The following RNLS variants were observed in gnomAD, a reference collection of about 807,000 sequenced individuals.
RNLS encodes renalase, FAD dependent amine oxidase, also known as renalase.
RNLS carries 39 observed loss-of-function variants against 39.8 expected under a neutral mutation model. The observed-to-expected ratio is 0.98, with a 90% confidence interval of 0.76 to 1.28. The LOEUF is 1.28. Among genes scored for constraint, RNLS ranks in the 50% most tolerant of loss-of-function variants. The pLI is 0.00. For synonymous variants in RNLS, 147 were observed against 150.7 expected, an observed-to-expected ratio of 0.98 and a Z score of 0.18; for missense variants, 410 against 413.3, an observed-to-expected ratio of 0.99 and a Z score of 0.07.
intron 6 of RNLS, among the ~76,000 whole-genome samples, chr10:88,296,592 T>C (rs1844113448): frequency 6.6e-6 from 1 of 152,106 alleles, no homozygotes; most frequent in Admixed American, 6.6e-5. Flanking sequence ...GAAAATTAAA[T>C]TGAAAGTATT....
At chr10:88,406,269 T>C (rs1853261276) in intron 4 of RNLS, among the ~76,000 whole-genome samples, 1 of 152,110 alleles carries the variant, frequency 6.6e-6, no homozygotes. Context: ...GATGTCTAGG[T>C]GTCTAGCAAG....
At chr10:88,396,127 T>C (rs1221919963) in intron 4 of RNLS, among the ~76,000 whole-genome samples, 4 of 152,116 alleles carry the variant, frequency 2.6e-5, no homozygotes, top group Non-Finnish European at 4.4e-5. Context: ...GTCAATAGAC[T>C]ATAATTTGAA....
At chr10:88,224,847 G>T in the RNLS span, among the ~76,000 whole-genome samples, 2 of 152,154 alleles carry the variant, frequency 1.3e-5, no homozygotes, top group Non-Finnish European at 2.9e-5. Flanking sequence ...ATGACAGTAA[G>T]TAGTGTATTA....
At chr10:88,241,751 G>A in the RNLS span, among the ~76,000 whole-genome samples, 30 of 152,146 alleles carry the variant, frequency 2.0e-4, no homozygotes, top group Non-Finnish European at 5.9e-5. Flanking sequence ...TCCACACTTA[G>A]TCCTTCCTGT....
chr10:88,203,960 G>T, the RNLS span, among the ~76,000 whole-genome samples: 5 of 152,074 alleles, frequency 3.3e-5, no homozygotes, highest in African/African-American at 4.8e-5. Context: ...ACCAGGTGTT[G>T]TGTTCAGTCT....
intron 6 of RNLS, among the ~76,000 whole-genome samples, chr10:88,278,686 C>T (rs1309438642): frequency 2.0e-5 from 3 of 152,142 alleles, no homozygotes; most frequent in South Asian, 4.1e-4. Context: ...GCAACTCTCC[C>T]GCCTTCCCCC....
chr10:88,497,937 T>C (rs1276375063), intron 4 of RNLS, among the ~76,000 whole-genome samples: 2 of 56,680 alleles, frequency 3.5e-5, no homozygotes, highest in African/African-American at 7.8e-5. Context: ...AAGAGGTTAT[T>C]GAAGAGAAAA....
At chr10:88,275,609 TG>T (rs1257270655) in intron 6 of RNLS, among the ~76,000 whole-genome samples, 3 of 152,078 alleles carry the variant, frequency 2.0e-5, no homozygotes, top group African/African-American at 7.2e-5. Flanking sequence ...TATATCGACA[TG>T]GAAAAATACT....
At chr10:88,372,343 C>T (rs1461845089) in intron 4 of RNLS, among the ~76,000 whole-genome samples, 1 of 152,152 alleles carries the variant, frequency 6.6e-6, no homozygotes, top group African/African-American at 2.4e-5. Flanking sequence ...GGTTTTCTCT[C>T]TAGTCCCTGC....
At chr10:88,368,082 C>G (rs1850263865) in intron 4 of RNLS, among the ~76,000 whole-genome samples, 1 of 151,452 alleles carries the variant, frequency 6.6e-6, no homozygotes. Context: ...ACTTCAAGAT[C>G]ATAAAGATAT....
the RNLS span, among the ~76,000 whole-genome samples, chr10:88,202,931 C>A: frequency 6.6e-6 from 1 of 151,952 alleles, no homozygotes; most frequent in Non-Finnish European, 1.5e-5. Flanking sequence ...ACAGGATAAT[C>A]CAGTTCAGCA....
At chr10:88,408,627 A>G (rs1853443752) in intron 4 of RNLS, among the ~76,000 whole-genome samples, 1 of 152,116 alleles carries the variant, frequency 6.6e-6, no homozygotes, top group African/African-American at 2.4e-5. Flanking sequence ...CAGAAACCCA[A>G]ATGAACTATT....
chr10:88,267,401 C>T, the RNLS span, among the ~76,000 whole-genome samples: 1 of 152,096 alleles, frequency 6.6e-6, no homozygotes, highest in South Asian at 2.1e-4. Context: ...CATAGCGAGA[C>T]CCCCTCTTCA....
At chr10:88,419,803 G>C (rs1319748609) in intron 4 of RNLS, among the ~76,000 whole-genome samples, 1 of 151,974 alleles carries the variant, frequency 6.6e-6, no homozygotes, top group African/African-American at 2.4e-5. Flanking sequence ...TCAGGAGTTT[G>C]AGACCAGCTT....
At chr10:88,300,818 C>G (rs1258875502) in intron 6 of RNLS, among the ~76,000 whole-genome samples, 1 of 152,150 alleles carries the variant, frequency 6.6e-6, no homozygotes, top group Non-Finnish European at 1.5e-5. Context: ...CTGGATATGA[C>G]TACTAAACTT....
chr10:88,426,465 G>T (rs947031835), intron 4 of RNLS, among the ~76,000 whole-genome samples: 2 of 151,748 alleles, frequency 1.3e-5, no homozygotes, highest in Non-Finnish European at 2.9e-5. Context: ...TTGGGAAAAA[G>T]AAAAGGAGGA....
chr10:88,436,752 CT>C lies in RNLS; in HGVS notation c.527-74028del, dbSNP rs531519409. Among the ~76,000 whole-genome samples, 1,084 of 145,586 alleles carry C rather than the reference CT, an allele frequency of 7.4e-3. 7 individuals carry two copies. The highest frequency in any genetic ancestry group is 0.012 in the Non-Finnish European group (772 of 65,762). On this transcript the variant is annotated intron_variant, in intron 4 of 6. Coordinates refer to ENST00000331772, the MANE Select transcript of RNLS (RefSeq NM_001031709.3). The stretch of plus-strand genomic sequence containing the variant: ...TTTACCCCTATAATTAGATAAAAGT[CT>C]TTTTTTTTTTAAAGGGAATGCAGGA...
chr10:88,431,662 T>G (rs1453202480), intron 4 of RNLS, among the ~76,000 whole-genome samples: 1 of 151,700 alleles, frequency 6.6e-6, no homozygotes, highest in African/African-American at 2.4e-5. Flanking sequence ...GAAATTCTGA[T>G]ACGTTGTATT....
chr10:88,581,670 A>G lies in RNLS; in HGVS notation c.264T>C (p.Pro88=), dbSNP rs1479516707. ...CCATTCCTTCAATAGGCGAGCTTAG[A>G]GGCCTCAAAACGCCATAGGCTAACA... ...DELLAYGVLR[P]LSSPIEGMVM... The change falls in exon 3 of 7, where the codon CCT becomes CCC. Residue 88 remains proline, a synonymous_variant. Transcript: ENST00000331772. 7 of 1,598,218 alleles carry G rather than the reference A, an allele frequency of 4.4e-6. No individual in the cohort carries two copies. Among genetic ancestry groups the G allele is most frequent in the East Asian group, 2.3e-5 (1 of 43,864 alleles).
Sources: gnomAD v4.1 joint callset for allele counts (sites outside exome capture counted in the v4.1 genomes callset) on GRCh38, gnomAD v4.1.1 for gene constraint, MANE v1.5 for transcripts, NCBI Gene and HGNC (gene_info 2026-07-23, HGNC 2026-07-21) for gene names.